Variants in DCDC2 observed in about 807,000 individuals in gnomAD.
The protein encoded by DCDC2 is doublecortin domain-containing protein 2.
DCDC2 carries 40 observed loss-of-function variants against 50.2 expected under a neutral mutation model. The observed-to-expected ratio is 0.80, with a 90% CI of 0.62 to 1.04. The LOEUF (loss-of-function observed/expected upper bound fraction) is 1.04, where lower values mean the gene tolerates loss of function less well. Among genes scored for constraint, DCDC2 ranks in the 50% least tolerant of loss-of-function variants. DCDC2 has a pLI of 0.00. For synonymous variants in DCDC2, 234 were observed against 210.6 expected, an observed-to-expected ratio of 1.11 and a Z score of -0.96; for missense variants, 570 against 581.9, an observed-to-expected ratio of 0.98 and a Z score of 0.21.
chr6:24,301,671 A>G, intron 4 of DCDC2, 44 bp downstream of exon 4: 1 of 1,605,696 alleles, frequency 6.2e-7, no homozygotes, highest in Admixed American at 1.7e-5. Context: ...GAATATCTTC[A>G]ACAATTCAAA....
Position 24,178,371 on chromosome 6 carries a change from T to A in DCDC2, c.1285A>T (p.Lys429Ter). 1 of 1,614,000 alleles carries A rather than the reference T, an allele frequency of 6.2e-7. No homozygotes were observed. Among genetic ancestry groups the A allele is most frequent in the Non-Finnish European group, 8.5e-7 (1 of 1,179,942 alleles). ...CCAGCTCCTTGAGACTTTCTTTCCT[T>A]GTCTAGGACCAGTTGAAGCTCATTA... ...VNNELQLVLD[K>*]ERKSQGAGSG... The change falls in exon 9 of 10, where the codon AAG becomes TAG. Residue 429 changes from lysine to a stop codon, truncating the protein, a stop_gained. Transcript: ENST00000378454. LOFTEE classifies it high-confidence loss of function.
intron 9 of DCDC2, 105 bp downstream of exon 9, chr6:24,178,225 G>A: frequency 8.8e-7 from 1 of 1,139,456 alleles, no homozygotes; most frequent in Non-Finnish European, 1.3e-6. Context: ...AACCACAAGT[G>A]GTTTCAATAC....
chr6:24,174,578 T>G lies in DCDC2; in HGVS notation c.*152A>C. On this transcript the variant is annotated 3_prime_UTR_variant, in exon 10 of 10. Coordinates refer to ENST00000378454, the MANE Select transcript of DCDC2 (RefSeq NM_016356.5). ...CCTTTAGTAGCCATTTAAAGTTATC[T>G]GGTCTTTCCACTAGGCTTCTAATGT... The G allele has an allele frequency of 4.1e-6, 2 of 483,304 alleles. No individual in the cohort carries two copies. The highest frequency in any genetic ancestry group is 3.6e-6 in the Non-Finnish European group (1 of 273,980). The allele number at this position is 483,304 out of a possible 1,614,324, so 29.9% of individuals were successfully genotyped here.
chr6:24,296,726 TTATCAC>T (rs779208957), intron 4 of DCDC2, among the ~76,000 whole-genome samples: 1 of 152,180 alleles, frequency 6.6e-6, no homozygotes, highest in Non-Finnish European at 1.5e-5. Context: ...TCAATATCAC[TTATCAC>T]TAGAGAAATG....
chr6:24,343,285 G>T (rs1444789232), intron 2 of DCDC2, among the ~76,000 whole-genome samples: 1 of 151,928 alleles, frequency 6.6e-6, no homozygotes, highest in African/African-American at 2.4e-5. Context: ...TCCTGACTTC[G>T]TGATCCACCC....
rs563993944 is a variant in DCDC2, at chr6:24,289,939, C to T, written c.704+993G>A. On this transcript the variant is annotated intron_variant, in intron 5 of 9. Coordinates refer to ENST00000378454, the MANE Select transcript of DCDC2 (RefSeq NM_016356.5). ...GGATCCCTGGGCACCATGAGCAAGCCGAGAGATCCTGCAGCATGGGCCAGA... is the reference window on the plus strand; with the variant it reads ...GGATCCCTGGGCACCATGAGCAAGCTGAGAGATCCTGCAGCATGGGCCAGA... Among the ~76,000 whole-genome samples, 70 of 142,762 alleles carry T rather than the reference C, an allele frequency of 4.9e-4. 1 individual carries two copies. Among genetic ancestry groups the T allele is most frequent in the African/African-American group, 1.6e-3 (61 of 39,216 alleles). The allele number at this position is 142,762 out of a possible 152,430, so 93.7% of individuals were successfully genotyped here.
At chr6:24,262,169 T>C (rs1019655305) in intron 7 of DCDC2, among the ~76,000 whole-genome samples, 9 of 133,048 alleles carry the variant, frequency 6.8e-5, no homozygotes, top group African/African-American at 2.6e-4. Flanking sequence ...AGAGAATCTG[T>C]GTGCTTAGGG....
chr6:24,264,791 G>T (rs1763082883), intron 7 of DCDC2, among the ~76,000 whole-genome samples: 1 of 150,778 alleles, frequency 6.6e-6, no homozygotes, highest in Non-Finnish European at 1.5e-5. Context: ...AATGTAAACA[G>T]ATTAAACTCT....
chr6:24,361,636 T>C (rs988689271), upstream of DCDC2, among the ~76,000 whole-genome samples: 2 of 152,182 alleles, frequency 1.3e-5, no homozygotes, highest in Non-Finnish European at 2.9e-5. Flanking sequence ...ATCAATTAAG[T>C]AGCCCCCTCC....
chr6:24,192,529 A>G lies in DCDC2; in HGVS notation c.1023+12473T>C, dbSNP rs372057459. Among the ~76,000 whole-genome samples the G allele has an allele frequency of 7.2e-5, 11 of 152,182 alleles. No individual in the cohort carries two copies. In the East Asian group the frequency reaches 7.7e-4, roughly 11 times the overall value. ...ACCTCAGAAGAAAAAAACATAGTGCAGGAAAGGAAAGTGTAAAATAATAGA... is the reference window on the plus strand; with the variant it reads ...ACCTCAGAAGAAAAAAACATAGTGCGGGAAAGGAAAGTGTAAAATAATAGA... On this transcript the variant is annotated intron_variant, in intron 8 of 9. Transcript: ENST00000378454.
intron 7 of DCDC2, among the ~76,000 whole-genome samples, chr6:24,241,728 T>C (rs1243934323): frequency 1.3e-5 from 2 of 152,266 alleles, no homozygotes; most frequent in Non-Finnish European, 2.9e-5. Flanking sequence ...ATAAGCCACC[T>C]TCCCCAAAGT....
chr6:24,267,052 G>A (rs548978632), intron 7 of DCDC2, among the ~76,000 whole-genome samples: 13 of 152,114 alleles, frequency 8.5e-5, no homozygotes, highest in Non-Finnish European at 1.9e-4. Context: ...AATAATCCAG[G>A]CACAAAGACA....
In DCDC2 at chr6:24,234,608, G is replaced by A. The variant is rs149599458; in HGVS notation, c.923-29506C>T. Reference sequence around the variant, plus strand: ...AATCAGAGAAGTTTCCAAATATTTAGTAAGTAAAATCACAGGACTTGATGA... The same window carrying A: ...AATCAGAGAAGTTTCCAAATATTTAATAAGTAAAATCACAGGACTTGATGA... On this transcript the variant is annotated intron_variant, in intron 7 of 9. Transcript: ENST00000378454. Among the ~76,000 whole-genome samples the A allele has an allele frequency of 2.8e-3, 425 of 152,306 alleles. 3 individuals are homozygous for A. The highest frequency in any genetic ancestry group is 0.02 in the Middle Eastern group (6 of 294).
At position 24,258,380 on chromosome 6, in the gene DCDC2, C is replaced by T. The variant is rs142106861; in HGVS notation, c.922+19669G>A. On this transcript the variant is annotated intron_variant, in intron 7 of 9. Coordinates refer to ENST00000378454, the MANE Select transcript of DCDC2 (RefSeq NM_016356.5). ...GTCCACTTTACAAACATCTAGCTAG[C>T]CACAGAGAGCTGATTGGTGCACTTT... 5.0e-3 allele frequency among the ~76,000 whole-genome samples: 754 copies of T among 152,260 alleles called. 5 individuals carry two copies. Among genetic ancestry groups the T allele is most frequent in the South Asian group, 0.04 (194 of 4,814 alleles).
At chr6:24,215,950 A>C (rs1013282741) in intron 7 of DCDC2, among the ~76,000 whole-genome samples, 23 of 152,180 alleles carry the variant, frequency 1.5e-4, no homozygotes, top group Non-Finnish European at 2.8e-4. Context: ...AAGGACTCTC[A>C]GGTTTATGGC....
Position 24,353,415 on chromosome 6 carries a change from G to A in DCDC2, c.348+154C>T, listed in dbSNP as rs1473041424. ...TTTTCATTTCTGACAATGATTCAAA[G>A]AAAGAATTATCTTTGCCTTAAAACA... On this transcript the variant is annotated intron_variant, in intron 2 of 9. Coordinates refer to ENST00000378454, the MANE Select transcript of DCDC2 (RefSeq NM_016356.5). 5 of 656,652 alleles carry A rather than the reference G, an allele frequency of 7.6e-6. No individual in the cohort carries two copies. The Admixed American group carries it at 9.6e-5, about 13-fold the overall frequency. The allele number at this position is 656,652 out of a possible 1,614,324, so 40.7% of individuals were successfully genotyped here. A position where few individuals can be genotyped will look rare whatever the true frequency, so the allele number is the denominator to read the frequency against.
rs145577837 is a variant in DCDC2 at position 24,322,785 on chromosome 6, G to A, written c.349-20741C>T. Among the ~76,000 whole-genome samples the A allele has an allele frequency of 1.5e-3, 223 of 152,208 alleles. 1 individual carries two copies. The highest frequency in any genetic ancestry group is 4.9e-3 in the African/African-American group (204 of 41,532). ...TCCCGCCTTTCTGAACCAAACAAATGTATTTCTTTAAATGTATTTGATTGA... is the reference window on the plus strand; with the variant it reads ...TCCCGCCTTTCTGAACCAAACAAATATATTTCTTTAAATGTATTTGATTGA... On this transcript the variant is annotated intron_variant, in intron 2 of 9. Transcript: ENST00000378454.
At chr6:24,253,073 TA>T (rs1331582436) in intron 7 of DCDC2, among the ~76,000 whole-genome samples, 1 of 151,986 alleles carries the variant, frequency 6.6e-6, no homozygotes, top group Non-Finnish European at 1.5e-5. Context: ...GGCTTAAATA[TA>T]ATATTAGGAA....
chr6:24,358,818 A>G (rs1358921052), upstream of DCDC2, among the ~76,000 whole-genome samples: 1 of 45,734 alleles, frequency 2.2e-5, no homozygotes, highest in African/African-American at 1.4e-4. Flanking sequence ...ATATATAAAT[A>G]TATATATTAT....
Sources: allele counts gnomAD v4.1 joint callset (sites outside exome capture counted in the v4.1 genomes callset), GRCh38; gene constraint gnomAD v4.1.1; transcripts MANE v1.5; gene names NCBI Gene and HGNC (gene_info 2026-07-23, HGNC 2026-07-21).